Variants in RAD52 observed in about 807,000 individuals in gnomAD.
RAD52 encodes the protein DNA repair protein RAD52 homolog.
In RAD52, 47 loss-of-function variants were observed where a neutral mutation model predicts 55.5. The observed-to-expected ratio is 0.85, with a 90% CI of 0.67 to 1.08. The LOEUF (loss-of-function observed/expected upper bound fraction) is 1.08. Ranked by LOEUF, RAD52 falls within the 50% of genes least tolerant of loss-of-function variation. The probability of loss-of-function intolerance (pLI) is 0.00; values close to 1 mark genes in which losing one functional copy is unlikely to be tolerated. For synonymous variants in RAD52, 184 were observed against 198.9 expected (o/e 0.92, Z 0.63); for missense variants, 468 against 522.8 (o/e 0.90, Z 1.02).
At position 912,309 on chromosome 12, in the gene RAD52, A is replaced by G; in HGVS notation, c.*1082T>C. 5.1e-6 allele frequency: 1 copy of G among 196,298 alleles called. No homozygotes were observed. Among genetic ancestry groups the G allele is most frequent in the African/African-American group, 2.4e-5 (1 of 41,468 alleles). 12.2% of individuals were successfully genotyped at this position (196,298 alleles called of 1,614,324 possible). On this transcript the variant is annotated 3_prime_UTR_variant, in exon 12 of 12. Transcript: ENST00000358495. ...ACAGTTTATGCAGCGACCCTAAGAG[A>G]AAAAAAAACCCAGCCCTCTTCAGCT...
At chr12:986,219 C>T in intron 1 of RAD52, among the ~76,000 whole-genome samples, 1 of 152,178 alleles carries the variant, frequency 6.6e-6, no homozygotes, top group East Asian at 1.9e-4. Context: ...CAGGTGTGAG[C>T]CGCCGCACCT....
At chr12:915,544 A>G (rs181073476) in intron 9 of RAD52, among the ~76,000 whole-genome samples, 16 of 152,316 alleles carry the variant, frequency 1.1e-4, no homozygotes, top group Admixed American at 8.5e-4. Flanking sequence ...AGGAGAGAAC[A>G]GGTGGGGAGA....
rs558965670 is a variant in RAD52, at chr12:971,781, G to GCT, written c.-19+18026_-19+18027dup. Among the ~76,000 whole-genome samples, 174 of 151,374 alleles carry GCT rather than the reference G, an allele frequency of 1.1e-3. 5 individuals carry two copies. The South Asian group carries it at 0.028, about 25-fold the overall frequency. On this transcript the variant is annotated intron_variant, in intron 1 of 11. Transcript: ENST00000430095. ...TTTTTTTTTTTTGAGACGGAGTCTC[G>GCT]CTGTCGCCCAGGCTGGAGTGCAGTG... is the stretch of plus-strand genomic sequence containing the variant.
chr12:987,023 C>A (rs1003295098), intron 1 of RAD52, among the ~76,000 whole-genome samples: 1 of 151,784 alleles, frequency 6.6e-6, no homozygotes, highest in East Asian at 1.9e-4. Context: ...CAGGCTGGAG[C>A]GCAATGGCAC....
intron 6 of RAD52, 165 bp downstream of exon 6, chr12:926,980 A>G: frequency 6.4e-7 from 1 of 1,571,274 alleles, no homozygotes; most frequent in Non-Finnish European, 8.6e-7. Context: ...TACTAACGAA[A>G]GTGGGAAAAC....
intron 1 of RAD52, among the ~76,000 whole-genome samples, chr12:965,530 C>A (rs1049018045): frequency 6.6e-6 from 1 of 152,036 alleles, no homozygotes; most frequent in African/African-American, 2.4e-5. Context: ...CAAATCTGAT[C>A]TGTCCTCCTC....
chr12:972,573 T>C (rs368584485), intron 1 of RAD52, among the ~76,000 whole-genome samples: 142 of 151,394 alleles, frequency 9.4e-4, no homozygotes, highest in African/African-American at 3.1e-3. Context: ...GAGACCATCC[T>C]GGCTAACACG....
chr12:951,005 GC>G (rs1226526470), upstream of RAD52, among the ~76,000 whole-genome samples: 1 of 152,068 alleles, frequency 6.6e-6, no homozygotes, highest in African/African-American at 2.4e-5. Flanking sequence ...GCTCACCTCA[GC>G]CTCCCAAAGT....
At chr12:916,876 T>G in intron 7 of RAD52, 56 bp from the exon 8 acceptor site, 1 of 1,558,390 alleles carries the variant, frequency 6.4e-7, no homozygotes, top group Non-Finnish European at 8.7e-7. Flanking sequence ...CTCCGCTGCT[T>G]CTCCCTGACT....
intron 7 of RAD52, among the ~76,000 whole-genome samples, chr12:921,334 G>A (rs1358944340): frequency 6.6e-6 from 1 of 152,194 alleles, no homozygotes; most frequent in African/African-American, 2.4e-5. Context: ...TGGGCCATAT[G>A]GGTTTCTCAC....
upstream of RAD52, among the ~76,000 whole-genome samples, chr12:954,064 T>TTA: frequency 6.6e-6 from 1 of 152,226 alleles, no homozygotes; most frequent in East Asian, 1.9e-4. Context: ...GTTATCTTTT[T>TTA]TAAAAAAATT....
At chr12:933,441 AG>A (rs1289250925) in intron 1 of RAD52, among the ~76,000 whole-genome samples, 1 of 147,584 alleles carries the variant, frequency 6.8e-6, no homozygotes, top group Non-Finnish European at 1.5e-5. Flanking sequence ...TGGGCGACAG[AG>A]CGAGACTCCA....
At chr12:953,229 C>T (rs1958559882), upstream of RAD52, among the ~76,000 whole-genome samples, 1 of 150,988 alleles carries the variant, frequency 6.6e-6, no homozygotes, top group Non-Finnish European at 1.5e-5. Flanking sequence ...TGTTTGAACC[C>T]GGAAGTGGAG....
Position 913,464 on chromosome 12 carries a change from A to G in RAD52, c.1196-12T>C. ...AGATTCCCAGTTTCCTATGGAAGAC[A>G]AAATGGCTTAAATGTAGCTGCCATA... On this transcript the variant is annotated splice_polypyrimidine_tract_variant and intron_variant, in intron 11 of 11. Transcript: ENST00000358495. 6.4e-7 allele frequency: 1 copy of G among 1,574,494 alleles called. No individual in the cohort carries two copies. Among genetic ancestry groups the G allele is most frequent in the South Asian group, 1.1e-5 (1 of 89,340 alleles).
chr12:989,382 C>T (rs1430206005), intron 1 of RAD52, among the ~76,000 whole-genome samples: 1 of 152,152 alleles, frequency 6.6e-6, no homozygotes, highest in East Asian at 1.9e-4. Context: ...CCGATGTCCC[C>T]CTTCTCATTT....
At chr12:976,571 A>T (rs1026759260) in intron 1 of RAD52, 2 of 152,256 alleles carry the variant, frequency 1.3e-5, no homozygotes, top group Non-Finnish European at 2.9e-5. Context: ...GCTTCCAGTC[A>T]TCCCTGCCAA....
intron 3 of RAD52, 113 bp downstream of exon 3, chr12:931,107 A>T: frequency 1.3e-6 from 1 of 799,132 alleles, no homozygotes; most frequent in Non-Finnish European, 2.0e-6. Flanking sequence ...GGAGACCTCC[A>T]GGAACAGTTA....
At chr12:937,884 C>T (rs1182859553) in intron 1 of RAD52, among the ~76,000 whole-genome samples, 1 of 152,162 alleles carries the variant, frequency 6.6e-6, no homozygotes. Flanking sequence ...CTGGCAGCAG[C>T]CCTCAAATGG....
In RAD52 at chr12:928,886, G is replaced by A. The variant is rs11571432; in HGVS notation, c.348+933C>T. Among the ~76,000 whole-genome samples the A allele has an allele frequency of 7.5e-3, 1,136 of 152,108 alleles. 12 individuals are homozygous for A. The highest frequency in any genetic ancestry group is 0.026 in the African/African-American group (1,078 of 41,500). On this transcript the variant is annotated intron_variant, in intron 5 of 11. Coordinates refer to ENST00000358495, the MANE Select transcript of RAD52 (RefSeq NM_134424.4). ...GGCAGAGAAGCACAGTAAGGCTACC[G>A]ATAAAACTTTTCTTTTTTTCCACCC... is the stretch of plus-strand genomic sequence containing the variant.
Sources: allele counts gnomAD v4.1 joint callset (sites outside exome capture counted in the v4.1 genomes callset), GRCh38; gene constraint gnomAD v4.1.1; transcripts MANE v1.5; gene names NCBI Gene and HGNC (gene_info 2026-07-23, HGNC 2026-07-21).